Variants in SPOCK1 observed in about 807,000 individuals in gnomAD.
The protein encoded by SPOCK1 is SPARC (osteonectin), cwcv and kazal like domains proteoglycan 1, also known as testican-1.
SPOCK1 carries 23 observed loss-of-function variants against 55.3 expected under a neutral mutation model. The observed-to-expected ratio is 0.42, with a 90% CI of 0.30 to 0.59. SPOCK1 has a LOEUF of 0.59. Ranked by LOEUF, SPOCK1 falls within the 20% of genes least tolerant of loss-of-function variation. SPOCK1 has a pLI of 0.22. For synonymous variants in SPOCK1, 226 were observed against 221.0 expected (o/e 1.02, Z -0.20); for missense variants, 499 against 552.5 (o/e 0.90, Z 0.97).
intron 3 of SPOCK1, among the ~76,000 whole-genome samples, chr5:137,173,225 G>A (rs1244474581): frequency 1.3e-5 from 2 of 152,098 alleles, no homozygotes; most frequent in African/African-American, 2.4e-5. Context: ...TTCAAGGAGT[G>A]ACTCAAAGAA....
chr5:137,118,575 A>T (rs1406457546), intron 4 of SPOCK1, among the ~76,000 whole-genome samples: 1 of 152,272 alleles, frequency 6.6e-6, no homozygotes, highest in East Asian at 1.9e-4. Context: ...TAATGGGGCC[A>T]TAGCCAGGGC....
chr5:137,072,079 G>C (rs1178962418), intron 5 of SPOCK1, among the ~76,000 whole-genome samples: 1 of 152,194 alleles, frequency 6.6e-6, no homozygotes, highest in Non-Finnish European at 1.5e-5. Context: ...TGCCAAGATG[G>C]CTCAGCTCTG....
chr5:137,358,829 G>T (rs1410759007), intron 2 of SPOCK1, among the ~76,000 whole-genome samples: 2 of 150,872 alleles, frequency 1.3e-5, no homozygotes, highest in African/African-American at 4.9e-5. Context: ...ACTTTGAAGG[G>T]TTTTTCTATG....
chr5:137,296,105 A>T (rs564510573), intron 2 of SPOCK1, among the ~76,000 whole-genome samples: 1 of 152,330 alleles, frequency 6.6e-6, no homozygotes, highest in South Asian at 2.1e-4. Context: ...ACATGAGGAC[A>T]CAGTGAGAAA....
chr5:137,017,957 T>C (rs1751484045), intron 6 of SPOCK1, among the ~76,000 whole-genome samples: 1 of 152,184 alleles, frequency 6.6e-6, no homozygotes, highest in South Asian at 2.1e-4. Context: ...CAAATTACAA[T>C]TCAATCTAAA....
intron 6 of SPOCK1, among the ~76,000 whole-genome samples, chr5:137,062,115 G>A (rs1752403810): frequency 6.6e-6 from 1 of 152,164 alleles, no homozygotes; most frequent in African/African-American, 2.4e-5. Flanking sequence ...TGTAATCTAA[G>A]TGGTAACGTG....
At chr5:137,431,846 C>T (rs1752751321) in intron 2 of SPOCK1, among the ~76,000 whole-genome samples, 2 of 152,192 alleles carry the variant, frequency 1.3e-5, no homozygotes, top group East Asian at 3.9e-4. Flanking sequence ...GAACTATGAG[C>T]TAAATAAGCC....
At chr5:137,038,948 T>C (rs1751936946) in intron 6 of SPOCK1, among the ~76,000 whole-genome samples, 1 of 152,182 alleles carries the variant, frequency 6.6e-6, no homozygotes, top group African/African-American at 2.4e-5. Context: ...CTCTGACTTT[T>C]ATTTAATGCA....
intron 7 of SPOCK1, among the ~76,000 whole-genome samples, chr5:136,989,253 T>C (rs977502197): frequency 1.3e-5 from 2 of 152,210 alleles, no homozygotes; most frequent in Admixed American, 6.5e-5. Flanking sequence ...CAATAATTTC[T>C]TTCTTATTTC....
chr5:137,132,646 T>A (rs1233943267), intron 4 of SPOCK1, among the ~76,000 whole-genome samples: 2 of 152,196 alleles, frequency 1.3e-5, no homozygotes, highest in African/African-American at 2.4e-5. Flanking sequence ...CTTATTAGCA[T>A]CTGAGCATGT....
intron 5 of SPOCK1, among the ~76,000 whole-genome samples, chr5:137,094,468 T>G (rs781729973): frequency 4.6e-5 from 7 of 152,216 alleles, no homozygotes; most frequent in Admixed American, 3.3e-4. Context: ...TTTTTTGGCT[T>G]CCTGGTACAT....
In SPOCK1 at chr5:137,282,901, G is replaced by T. The variant is rs1444851570; in HGVS notation, c.187-15846C>A. Among the ~76,000 whole-genome samples, 4 of 152,208 alleles carry T rather than the reference G, an allele frequency of 2.6e-5. No homozygotes were observed. The South Asian group carries it at 8.3e-4, about 32-fold the overall frequency. ...CAGGGGTTCCCATTTGACTAAAGCT[G>T]CCCAGAAAAGTGCCAAGAACTGACT... is the stretch of plus-strand genomic sequence containing the variant. On this transcript the variant is annotated intron_variant, in intron 2 of 10. Transcript: ENST00000394945.
At chr5:136,985,970 T>C (rs921409154) in intron 8 of SPOCK1, among the ~76,000 whole-genome samples, 7 of 152,186 alleles carry the variant, frequency 4.6e-5, no homozygotes, top group Admixed American at 1.3e-4. Flanking sequence ...TCTGGTTCTC[T>C]GAGTTCTTAT....
intron 2 of SPOCK1, among the ~76,000 whole-genome samples, chr5:137,356,839 A>ATATATATG (rs1750825906): frequency 3.1e-5 from 1 of 31,836 alleles, no homozygotes; most frequent in Non-Finnish European, 7.1e-5. Flanking sequence ...ATATATATAT[A>ATATATATG]GAGAGAGAGA....
intron 5 of SPOCK1, among the ~76,000 whole-genome samples, chr5:137,107,690 T>C (rs928917367): frequency 6.6e-6 from 1 of 152,102 alleles, no homozygotes; most frequent in Admixed American, 6.5e-5. Context: ...CCACAATGCA[T>C]CCACCACTTC....
chr5:137,460,608 C>T (rs1753466948), intron 2 of SPOCK1, among the ~76,000 whole-genome samples: 1 of 152,180 alleles, frequency 6.6e-6, no homozygotes, highest in Non-Finnish European at 1.5e-5. Flanking sequence ...AGCAGAGAGG[C>T]AAGTAACATG....
intron 2 of SPOCK1, among the ~76,000 whole-genome samples, chr5:137,288,213 C>G (rs540387711): frequency 6.6e-6 from 1 of 152,302 alleles, no homozygotes; most frequent in South Asian, 2.1e-4. Context: ...GCTTCTATCT[C>G]AATTTTGGTA....
intron 2 of SPOCK1, among the ~76,000 whole-genome samples, chr5:137,440,993 T>G (rs1042035291): frequency 9.2e-5 from 14 of 152,358 alleles, no homozygotes; most frequent in South Asian, 6.2e-4. Context: ...GTAATAGTTC[T>G]TTAATAACCT....
At chr5:137,029,959 ACATG>A (rs1282161397) in intron 6 of SPOCK1, among the ~76,000 whole-genome samples, 1 of 152,236 alleles carries the variant, frequency 6.6e-6, no homozygotes, top group African/African-American at 2.4e-5. Flanking sequence ...GAAAAGAGAC[ACATG>A]CCTTAGAAAT....
Sources: gnomAD v4.1 joint callset for allele counts (sites outside exome capture counted in the v4.1 genomes callset) on GRCh38, gnomAD v4.1.1 for gene constraint, MANE v1.5 for transcripts, NCBI Gene and HGNC (gene_info 2026-07-23, HGNC 2026-07-21) for gene names.